The following WDPCP variants were observed in gnomAD, a reference collection of about 807,000 sequenced individuals.
The protein encoded by WDPCP is WD repeat containing planar cell polarity effector, also known as WD repeat-containing and planar cell polarity effector protein fritz homolog.
A neutral mutation model predicts 93.1 loss-of-function variants in WDPCP; 71 were observed. That is an observed-to-expected ratio of 0.76 (90% CI 0.63 to 0.93). The LOEUF (loss-of-function observed/expected upper bound fraction) is 0.93. Among genes scored for constraint, WDPCP ranks in the 40% least tolerant of loss-of-function variants. The probability of loss-of-function intolerance (pLI) is 0.00; values close to 1 mark genes in which losing one functional copy is unlikely to be tolerated. For missense variants in WDPCP, 844 were observed against 887.4 expected, an observed-to-expected ratio of 0.95 and a Z score of 0.62; for synonymous variants, 315 against 315.0, an observed-to-expected ratio of 1.00 and a Z score of 0.00.
At chr2:63,639,371 C>T (rs1709956901) in intron 3 of WDPCP, among the ~76,000 whole-genome samples, 1 of 152,170 alleles carries the variant, frequency 6.6e-6, no homozygotes, top group South Asian at 2.1e-4. Flanking sequence ...CTATCAAACT[C>T]CTGGCCTCAA....
At position 63,588,210 on chromosome 2, in the gene WDPCP, G is replaced by A. The variant is rs1450767741; in HGVS notation, c.62C>T (p.Pro21Leu). The change falls in exon 1 of 18, where the codon CCA becomes CTA. Residue 21 changes from proline to leucine, a missense_variant. Coordinates refer to ENST00000272321, the MANE Select transcript of WDPCP (RefSeq NM_015910.7). ...GCCAGGGCTCACCTGTCTCGGGAGT[G>A]GGGAAGAAGCGCGACTCCCGGCCGC... ...SKAAGSRASSPLPRQDRDSFC... is the reference protein window; with the variant it reads ...SKAAGSRASSLLPRQDRDSFC... 1.3e-6 allele frequency: 2 copies of A among 1,571,236 alleles called. No individual in the cohort carries two copies. The highest frequency in any genetic ancestry group is 1.4e-5 in the African/African-American group (1 of 73,612).
At chr2:63,540,988 G>C (rs567653829) in intron 1 of WDPCP, among the ~76,000 whole-genome samples, 1 of 149,396 alleles carries the variant, frequency 6.7e-6, no homozygotes, top group African/African-American at 2.5e-5. Flanking sequence ...TTGTTTTTTT[G>C]TTTTCTGGTA....
chr2:63,385,513 A>T lies in WDPCP; in HGVS notation c.1436-3419T>A, dbSNP rs555432609. On this transcript the variant is annotated intron_variant, in intron 10 of 17. Transcript: ENST00000272321. ...TAAAAATTGTAATAAAAATATTTAC[A>T]ATATAATCCAAAAACATGCAATACT... Among the ~76,000 whole-genome samples the T allele has an allele frequency of 1.5e-4, 23 of 152,246 alleles. 1 individual carries two copies. The highest frequency in any genetic ancestry group is 5.1e-4 in the African/African-American group (21 of 41,576).
intron 2 of WDPCP, among the ~76,000 whole-genome samples, chr2:63,683,870 C>T (rs934989367): frequency 6.6e-6 from 1 of 150,704 alleles, no homozygotes. Flanking sequence ...AAAGAACAGG[C>T]AAAGAAGGTC....
intron 12 of WDPCP, among the ~76,000 whole-genome samples, chr2:63,336,567 G>C (rs1313914378): frequency 1.3e-5 from 2 of 152,080 alleles, no homozygotes; most frequent in Admixed American, 1.3e-4. Context: ...AATGGGTATT[G>C]AATGTGGTCA....
chr2:63,602,121 T>C (rs542685816), intron 3 of WDPCP, among the ~76,000 whole-genome samples: 2 of 152,336 alleles, frequency 1.3e-5, no homozygotes, highest in Non-Finnish European at 2.9e-5. Flanking sequence ...ATTAGATCGG[T>C]CAAAAGTGAT....
intron 6 of WDPCP, among the ~76,000 whole-genome samples, chr2:63,466,526 T>C (rs1218134992): frequency 6.6e-6 from 1 of 152,204 alleles, no homozygotes; most frequent in Non-Finnish European, 1.5e-5. Flanking sequence ...TAATACAAAG[T>C]TATAAATTTA....
At chr2:63,192,758 T>A (rs899074733) in intron 14 of WDPCP, among the ~76,000 whole-genome samples, 2 of 152,262 alleles carry the variant, frequency 1.3e-5, no homozygotes, top group African/African-American at 2.4e-5. Flanking sequence ...TGGCACTGTT[T>A]CTCTGGTGAT....
At chr2:63,823,851 A>T (rs1376776558) in intron 1 of WDPCP, among the ~76,000 whole-genome samples, 1 of 152,224 alleles carries the variant, frequency 6.6e-6, no homozygotes, top group Non-Finnish European at 1.5e-5. Context: ...TATTTGGTCA[A>T]AAATGATACT....
intron 9 of WDPCP, among the ~76,000 whole-genome samples, chr2:63,431,133 T>C (rs578132738): frequency 1.4e-5 from 2 of 143,238 alleles, no homozygotes; most frequent in African/African-American, 5.3e-5. Flanking sequence ...CATGGTCTGT[T>C]ATGTAAAAAA....
intron 9 of WDPCP, among the ~76,000 whole-genome samples, chr2:63,428,994 T>C (rs1168184648): frequency 1.3e-5 from 2 of 152,024 alleles, no homozygotes; most frequent in Non-Finnish European, 2.9e-5. Context: ...TGGAACAGAA[T>C]AGAGAACCCA....
chr2:63,544,210 GCAC>G, intron 1 of WDPCP, among the ~76,000 whole-genome samples: 1 of 151,744 alleles, frequency 6.6e-6, no homozygotes, highest in Non-Finnish European at 1.5e-5. Context: ...TTGCACAACT[GCAC>G]CACCTAGTGT....
At chr2:63,495,105 A>C (rs1162414284) in intron 1 of WDPCP, among the ~76,000 whole-genome samples, 1 of 152,152 alleles carries the variant, frequency 6.6e-6, no homozygotes, top group African/African-American at 2.4e-5. Context: ...AGATGAAATA[A>C]GGAACCCCTC....
At chr2:63,717,487 G>C (rs1430700761) in intron 2 of WDPCP, 1 of 416,026 alleles carries the variant, frequency 2.4e-6, no homozygotes, top group Non-Finnish European at 4.7e-6. Context: ...AGATGTGTCA[G>C]ATGAGCATTT....
At chr2:63,551,403 C>G (rs2106359153) in intron 1 of WDPCP, among the ~76,000 whole-genome samples, 1 of 152,244 alleles carries the variant, frequency 6.6e-6, no homozygotes, top group South Asian at 2.1e-4. Context: ...CTTGAGATAG[C>G]AAGTTCTCAC....
intron 14 of WDPCP, among the ~76,000 whole-genome samples, chr2:63,199,842 A>G (rs1434912241): frequency 1.3e-5 from 2 of 152,134 alleles, no homozygotes; most frequent in Admixed American, 6.5e-5. Flanking sequence ...ATACACGAAT[A>G]ACTTGTACTG....
chr2:63,340,579 T>G (rs1423257433), intron 12 of WDPCP, among the ~76,000 whole-genome samples: 1 of 152,200 alleles, frequency 6.6e-6, no homozygotes, highest in Non-Finnish European at 1.5e-5. Context: ...GTTGACCACC[T>G]TAATCTTACT....
intron 6 of WDPCP, among the ~76,000 whole-genome samples, chr2:63,455,605 A>T (rs1428218023): frequency 6.6e-6 from 1 of 152,176 alleles, no homozygotes; most frequent in Non-Finnish European, 1.5e-5. Flanking sequence ...TACAATGATA[A>T]AGGGATCAAT....
chr2:63,661,854 C>G (rs148199268), intron 2 of WDPCP, among the ~76,000 whole-genome samples: 1,783 of 152,170 alleles, frequency 0.012, 14 homozygotes, highest in Non-Finnish European at 0.014. Flanking sequence ...TGAACAGGAC[C>G]TTGATGAATG....
Sources: gnomAD v4.1 joint callset for allele counts (sites outside exome capture counted in the v4.1 genomes callset) on GRCh38, gnomAD v4.1.1 for gene constraint, MANE v1.5 for transcripts, NCBI Gene and HGNC (gene_info 2026-07-23, HGNC 2026-07-21) for gene names.